Variants in KLHL32 observed in about 807,000 individuals in gnomAD.
KLHL32 encodes the protein kelch like family member 32, also known as kelch-like protein 32.
A neutral mutation model predicts 64.8 loss-of-function variants in KLHL32; 35 were observed. The observed-to-expected ratio is 0.54, with a 90% CI of 0.41 to 0.72. The LOEUF (loss-of-function observed/expected upper bound fraction) is 0.72. Ranked by LOEUF, KLHL32 falls within the 30% of genes least tolerant of loss-of-function variation. The probability of loss-of-function intolerance (pLI) is 0.00; values close to 1 mark genes in which losing one functional copy is unlikely to be tolerated. For synonymous variants in KLHL32, 259 were observed against 281.0 expected (o/e 0.92, Z 0.78); for missense variants, 589 against 768.5 (o/e 0.77, Z 2.76).
intron 1 of KLHL32, among the ~76,000 whole-genome samples, chr6:96,960,758 A>C (rs1270223376): frequency 6.6e-6 from 1 of 152,218 alleles, no homozygotes; most frequent in Non-Finnish European, 1.5e-5. Context: ...TCAGTCAATC[A>C]TGTAAGATGT....
intron 7 of KLHL32, among the ~76,000 whole-genome samples, chr6:97,121,492 G>T (rs1798364099): frequency 6.6e-6 from 1 of 152,050 alleles, no homozygotes; most frequent in Admixed American, 6.5e-5. Context: ...TTACGGTTCA[G>T]TTTCTAAAAT....
At chr6:97,133,505 T>G (rs1184006093) in intron 10 of KLHL32, among the ~76,000 whole-genome samples, 1 of 152,222 alleles carries the variant, frequency 6.6e-6, no homozygotes, top group Non-Finnish European at 1.5e-5. Context: ...TGGGAAGATT[T>G]TTAACAACTG....
At chr6:96,957,910 A>G (rs191491141) in intron 1 of KLHL32, among the ~76,000 whole-genome samples, 30 of 152,364 alleles carry the variant, frequency 2.0e-4, no homozygotes, top group Admixed American at 1.5e-3. Flanking sequence ...ATGATTCAAT[A>G]TATGCAAATA....
At chr6:97,117,732 T>TA (rs943658101) in intron 7 of KLHL32, among the ~76,000 whole-genome samples, 4 of 152,218 alleles carry the variant, frequency 2.6e-5, no homozygotes, top group African/African-American at 7.2e-5. Flanking sequence ...GCTGTGTTTT[T>TA]AAAATATATG....
the KLHL32 span, among the ~76,000 whole-genome samples, chr6:96,909,794 T>C: frequency 6.6e-6 from 1 of 152,258 alleles, no homozygotes; most frequent in Non-Finnish European, 1.5e-5. Flanking sequence ...TGAAAGCATG[T>C]GTCTTTTTGT....
intron 4 of KLHL32, among the ~76,000 whole-genome samples, chr6:97,062,789 A>G (rs1309676458): frequency 6.6e-6 from 1 of 152,234 alleles, no homozygotes; most frequent in Non-Finnish European, 1.5e-5. Context: ...CAAATAGGCA[A>G]AAAGATATAT....
chr6:96,901,762 G>A, the KLHL32 span, among the ~76,000 whole-genome samples: 29 of 152,212 alleles, frequency 1.9e-4, no homozygotes, highest in Non-Finnish European at 2.9e-4. Context: ...AGGCTCCAGT[G>A]TTTGTTGTTC....
intron 3 of KLHL32, among the ~76,000 whole-genome samples, chr6:96,989,847 T>C (rs1777635923): frequency 6.6e-6 from 1 of 152,230 alleles, no homozygotes; most frequent in South Asian, 2.1e-4. Flanking sequence ...CTTCAAGCTC[T>C]GAGATTCTCT....
At chr6:97,100,808 T>TTA (rs1165110825) in intron 6 of KLHL32, among the ~76,000 whole-genome samples, 1 of 145,950 alleles carries the variant, frequency 6.9e-6, no homozygotes, top group Non-Finnish European at 1.5e-5. Context: ...TCTTTTTTTT[T>TTA]TTTTTTTTTT....
At chr6:97,004,233 G>A (rs1216848059) in intron 3 of KLHL32, among the ~76,000 whole-genome samples, 1 of 151,934 alleles carries the variant, frequency 6.6e-6, no homozygotes, top group Non-Finnish European at 1.5e-5. Flanking sequence ...TTCTTTTTAT[G>A]GCCATCGTGA....
chr6:97,116,094 C>T (rs1411897000), intron 7 of KLHL32, among the ~76,000 whole-genome samples: 1 of 152,078 alleles, frequency 6.6e-6, no homozygotes, highest in Non-Finnish European at 1.5e-5. Flanking sequence ...ATTGACAGAA[C>T]CTAGCTCACA....
chr6:97,111,000 G>A (rs775841278), intron 6 of KLHL32, among the ~76,000 whole-genome samples: 2 of 150,272 alleles, frequency 1.3e-5, no homozygotes, highest in African/African-American at 4.9e-5. Context: ...AACCACAAAG[G>A]AAGAAAGGAA....
intron 2 of KLHL32, among the ~76,000 whole-genome samples, chr6:96,968,473 A>G (rs2128035555): frequency 6.6e-6 from 1 of 152,268 alleles, no homozygotes; most frequent in East Asian, 1.9e-4. Context: ...CAACCAATAC[A>G]GCACATGGAG....
intron 3 of KLHL32, among the ~76,000 whole-genome samples, chr6:97,014,311 G>A (rs1780838828): frequency 6.7e-6 from 1 of 149,950 alleles, no homozygotes; most frequent in Non-Finnish European, 1.5e-5. Context: ...AAAAAAAAAA[G>A]TTTCTTTTTT....
At chr6:96,934,219 G>GA (rs1301626723) in intron 1 of KLHL32, among the ~76,000 whole-genome samples, 1 of 152,130 alleles carries the variant, frequency 6.6e-6, no homozygotes, top group Non-Finnish European at 1.5e-5. Context: ...AGGTTGTTTC[G>GA]AAAATATAGA....
chr6:96,942,395 A>T (rs1378037820), intron 1 of KLHL32, among the ~76,000 whole-genome samples: 2 of 152,170 alleles, frequency 1.3e-5, no homozygotes, highest in African/African-American at 4.8e-5. Context: ...CATTTCCTCC[A>T]TGAAACCATT....
At chr6:96,903,766 A>T in the KLHL32 span, among the ~76,000 whole-genome samples, 7 of 152,234 alleles carry the variant, frequency 4.6e-5, no homozygotes, top group Non-Finnish European at 7.3e-5. Flanking sequence ...TTCAACACCC[A>T]TTACTAAAAA....
At position 97,077,606 on chromosome 6, in the gene KLHL32, A is replaced by C. The variant is rs998196; in HGVS notation, c.412-7520A>C. On this transcript the variant is annotated intron_variant, in intron 5 of 10. Transcript: ENST00000369261. ...ATTTTATTTCCCAATTGTATGAAAA[A>C]CCCAGTACCTAGATAGCATCGCAAG... Among the ~76,000 whole-genome samples, 218 of 152,258 alleles carry C rather than the reference A, an allele frequency of 1.4e-3. 1 individual carries two copies. The highest frequency in any genetic ancestry group is 5.0e-3 in the African/African-American group (207 of 41,560).
chr6:96,913,252 C>T, the KLHL32 span, among the ~76,000 whole-genome samples: 3 of 152,180 alleles, frequency 2.0e-5, no homozygotes, highest in Non-Finnish European at 4.4e-5. Flanking sequence ...TTCTGCATAT[C>T]CTATTTGAGA....
Sources: allele counts gnomAD v4.1 joint callset (sites outside exome capture counted in the v4.1 genomes callset), GRCh38; gene constraint gnomAD v4.1.1; transcripts MANE v1.5; gene names NCBI Gene and HGNC (gene_info 2026-07-23, HGNC 2026-07-21).